The following STOX2 variants were observed in gnomAD, a reference collection of about 807,000 sequenced individuals.
STOX2 encodes storkhead box 2, also known as storkhead-box protein 2.
A neutral mutation model predicts 60.9 loss-of-function variants in STOX2; 28 were observed. That is an observed-to-expected ratio of 0.46 (90% confidence interval 0.34 to 0.63). STOX2 has a LOEUF of 0.63. Among genes scored for constraint, STOX2 ranks in the 30% least tolerant of loss-of-function variants. STOX2 has a pLI of 0.01. For synonymous variants in STOX2, 472 were observed against 463.9 expected (o/e 1.02, Z -0.22); for missense variants, 1,024 against 1,187.7 (o/e 0.86, Z 2.03).
Position 183,834,442 on chromosome 4 carries a change from C to G in STOX2, c.364+36387C>G, listed in dbSNP as rs150903028. Among the ~76,000 whole-genome samples, 18 of 152,108 alleles carry G rather than the reference C, an allele frequency of 1.2e-4. No homozygotes were observed. In the East Asian group the frequency reaches 3.5e-3, roughly 30 times the overall value. The stretch of plus-strand genomic sequence containing the variant: ...TTTGTTGTGAGAGGTTAACACAATT[C>G]CTACAGTCTGCACAAGCAGGAGGTG... On this transcript the variant is annotated intron_variant, in intron 1 of 2. Transcript: ENST00000513034.
At chr4:183,996,116 T>C (rs1733333623) in intron 1 of STOX2, among the ~76,000 whole-genome samples, 3 of 152,240 alleles carry the variant, frequency 2.0e-5, no homozygotes, top group East Asian at 1.9e-4. Context: ...CGCTTAAAAA[T>C]CTATGGAATG....
chr4:183,975,807 C>T (rs1732425050), intron 1 of STOX2, among the ~76,000 whole-genome samples: 2 of 152,162 alleles, frequency 1.3e-5, no homozygotes, highest in African/African-American at 2.4e-5. Context: ...GGCAACATTT[C>T]CCAACTCGTT....
intron 1 of STOX2, among the ~76,000 whole-genome samples, chr4:183,990,909 CT>C (rs1466688330): frequency 6.6e-6 from 1 of 152,052 alleles, no homozygotes; most frequent in Non-Finnish European, 1.5e-5. Context: ...GTGAAAGTCA[CT>C]TTTTTGACTC....
At chr4:183,971,407 G>A (rs1377423138) in intron 1 of STOX2, among the ~76,000 whole-genome samples, 1 of 152,208 alleles carries the variant, frequency 6.6e-6, no homozygotes, top group Non-Finnish European at 1.5e-5. Flanking sequence ...GGTCATGTGG[G>A]TGTCTCCTGT....
intron 1 of STOX2, among the ~76,000 whole-genome samples, chr4:183,912,392 C>G (rs527579644): frequency 6.6e-6 from 1 of 152,190 alleles, no homozygotes; most frequent in African/African-American, 2.4e-5. Flanking sequence ...TTCTCTTTCC[C>G]CCACTGTTCA....
intron 1 of STOX2, among the ~76,000 whole-genome samples, chr4:183,981,930 T>C (rs1732671123): frequency 6.6e-6 from 1 of 152,158 alleles, no homozygotes; most frequent in African/African-American, 2.4e-5. Flanking sequence ...AGAGTGAGAC[T>C]CTGTCTCAAA....
intron 1 of STOX2, among the ~76,000 whole-genome samples, chr4:183,897,191 G>C (rs566597241): frequency 6.6e-6 from 1 of 152,328 alleles, no homozygotes; most frequent in South Asian, 2.1e-4. Flanking sequence ...TCCTCAACCT[G>C]TAGAGGTTTG....
At chr4:183,965,208 A>C (rs999062608) in intron 1 of STOX2, among the ~76,000 whole-genome samples, 64 of 152,226 alleles carry the variant, frequency 4.2e-4, no homozygotes, top group African/African-American at 1.5e-3. Context: ...ACAAGTGTGT[A>C]GGTTCAGGAT....
At chr4:183,979,391 G>A (rs1359730060) in intron 1 of STOX2, among the ~76,000 whole-genome samples, 1 of 152,048 alleles carries the variant, frequency 6.6e-6, no homozygotes, top group African/African-American at 2.4e-5. Context: ...CCAACACTGG[G>A]AATTCATTAC....
At chr4:183,934,949 C>T (rs140491565) in intron 1 of STOX2, among the ~76,000 whole-genome samples, 1 of 152,364 alleles carries the variant, frequency 6.6e-6, no homozygotes, top group East Asian at 1.9e-4. Flanking sequence ...TGCATGGGTG[C>T]CTCAGGCACA....
chr4:183,939,909 G>A (rs1282611772), intron 1 of STOX2, among the ~76,000 whole-genome samples: 1 of 152,108 alleles, frequency 6.6e-6, no homozygotes, highest in Non-Finnish European at 1.5e-5. Flanking sequence ...TTTAAAGATA[G>A]CATTTTTTTC....
At chr4:183,964,709 A>G (rs1241958452) in intron 1 of STOX2, among the ~76,000 whole-genome samples, 1 of 152,164 alleles carries the variant, frequency 6.6e-6, no homozygotes, top group Non-Finnish European at 1.5e-5. Flanking sequence ...CAGGCTCCCA[A>G]GTAGCTGGGA....
intron 1 of STOX2, among the ~76,000 whole-genome samples, chr4:183,882,414 C>T (rs1740979500): frequency 6.6e-6 from 1 of 152,166 alleles, no homozygotes; most frequent in South Asian, 2.1e-4. Context: ...TTCTCATTTC[C>T]CAGTGGGTCG....
At chr4:183,876,135 A>T (rs1740823512) in intron 1 of STOX2, among the ~76,000 whole-genome samples, 1 of 151,810 alleles carries the variant, frequency 6.6e-6, no homozygotes, top group Admixed American at 6.6e-5. Context: ...TCTCTTGATG[A>T]CCCAAGCTCT....
intron 1 of STOX2, among the ~76,000 whole-genome samples, chr4:183,877,232 G>C (rs1207805420): frequency 1.3e-5 from 2 of 152,174 alleles, no homozygotes; most frequent in Non-Finnish European, 2.9e-5. Context: ...CTGAACTAAA[G>C]TCCTGCTACT....
chr4:183,894,922 A>C (rs1321488098), intron 1 of STOX2, among the ~76,000 whole-genome samples: 1 of 152,212 alleles, frequency 6.6e-6, no homozygotes, highest in Non-Finnish European at 1.5e-5. Flanking sequence ...ATTCGTGTAT[A>C]TTCATAAAAA....
At chr4:183,894,094 T>C (rs1405425325) in intron 1 of STOX2, among the ~76,000 whole-genome samples, 1 of 152,188 alleles carries the variant, frequency 6.6e-6, no homozygotes, top group Non-Finnish European at 1.5e-5. Flanking sequence ...AATGCTGCAG[T>C]GAGCGGTGAT....
intron 1 of STOX2, among the ~76,000 whole-genome samples, chr4:183,802,321 C>G (rs981270903): frequency 1.3e-5 from 2 of 152,176 alleles, no homozygotes; most frequent in African/African-American, 2.4e-5. Context: ...TTGGTTTTCT[C>G]AAAAAGAGTT....
chr4:183,936,775 A>ACAGTTTGT (rs1246841161), intron 1 of STOX2, among the ~76,000 whole-genome samples: 1 of 152,232 alleles, frequency 6.6e-6, no homozygotes, highest in Non-Finnish European at 1.5e-5. Flanking sequence ...GTGCTGAGTC[A>ACAGTTTGT]CAGTTTGTCT....
Sources: allele counts gnomAD v4.1 joint callset (sites outside exome capture counted in the v4.1 genomes callset), GRCh38; gene constraint gnomAD v4.1.1; transcripts MANE v1.5; gene names NCBI Gene and HGNC (gene_info 2026-07-23, HGNC 2026-07-21).